AMMECR1: variants seen among roughly 807,000 people sequenced by gnomAD.
AMMECR1 encodes the protein nuclear protein AMMECR1.
A neutral mutation model predicts 22.5 loss-of-function variants in AMMECR1; 3 were observed. The observed-to-expected ratio is 0.13, with a 90% CI of 0.06 to 0.35. The LOEUF is 0.35. Among genes scored for constraint, AMMECR1 ranks in the 10% least tolerant of loss-of-function variants. The pLI is 1.00. For missense variants in AMMECR1, 235 were observed against 278.7 expected (o/e 0.84, Z 1.12); for synonymous variants, 130 against 116.7 (o/e 1.11, Z -0.74).
Position 110,198,540 on chromosome X carries a change from G to T in AMMECR1, c.982C>A (p.Pro328Thr). 1 of 1,191,532 alleles carries T rather than the reference G, an allele frequency of 8.4e-7. No individual in the cohort carries two copies. Among genetic ancestry groups the T allele is most frequent in the Non-Finnish European group, 1.1e-6 (1 of 883,793 alleles). The change falls in exon 6 of 6, where the codon CCA becomes ACA. Residue 328 changes from proline to threonine, a missense_variant. By Grantham distance (38) the Pro-to-Thr change is conservative (BLOSUM62 -1). Transcript: ENST00000262844. ...CAGTGTCAGGAATAATGGTTGTATG[G>T]CGGAAGGGGATGCCCAATGCCATTT... is the stretch of plus-strand genomic sequence containing the variant. Reference protein sequence around the residue: ...FQNGIGHPLPPYNHYS With the variant: ...FQNGIGHPLPTYNHYS
chrX:110,329,119 A>G (rs143975989), intron 2 of AMMECR1, among the ~76,000 whole-genome samples: 4,532 of 112,147 alleles, frequency 0.04, 235 homozygotes, highest in African/African-American at 0.14. Context: ...CATCCTCTCC[A>G]GCATCTGTTG....
At chrX:110,308,926 T>C (rs1466608241) in intron 1 of AMMECR1, among the ~76,000 whole-genome samples, 1 of 111,783 alleles carries the variant, frequency 8.9e-6, no homozygotes, top group Non-Finnish European at 1.9e-5. Context: ...CATCTTCTAC[T>C]TACCATATAA....
intron 2 of AMMECR1, among the ~76,000 whole-genome samples, chrX:110,219,955 A>G (rs2067492394): frequency 8.9e-6 from 1 of 112,137 alleles, no homozygotes; most frequent in African/African-American, 3.2e-5. Context: ...GATTTAAGAG[A>G]TTACAAAAAG....
chrX:110,339,992 A>G (rs1189227098), intron 2 of AMMECR1, among the ~76,000 whole-genome samples: 1 of 108,046 alleles, frequency 9.3e-6, no homozygotes, highest in Non-Finnish European at 1.9e-5. Context: ...ACACACACAC[A>G]CACACACACA....
intron 2 of AMMECR1, among the ~76,000 whole-genome samples, chrX:110,356,563 A>G (rs1405505460): frequency 2.7e-5 from 3 of 111,327 alleles, no homozygotes; most frequent in African/African-American, 9.8e-5. Flanking sequence ...TAATGTTCTT[A>G]CCACAAAATA....
intron 2 of AMMECR1, among the ~76,000 whole-genome samples, chrX:110,342,008 G>T (rs1047380165): frequency 9.0e-6 from 1 of 110,801 alleles, no homozygotes; most frequent in African/African-American, 3.3e-5. Context: ...GCAGTGAGCT[G>T]AGATCGTGCC....
chrX:110,343,447 C>T (rs1336587103), intron 2 of AMMECR1, among the ~76,000 whole-genome samples: 1 of 111,267 alleles, frequency 9.0e-6, no homozygotes, highest in Non-Finnish European at 1.9e-5. Flanking sequence ...CAGGGATGCC[C>T]TCTCTCACCA....
At chrX:110,286,633 C>T (rs1337185563) in intron 1 of AMMECR1, among the ~76,000 whole-genome samples, 1 of 105,215 alleles carries the variant, frequency 9.5e-6, no homozygotes, top group Admixed American at 1.0e-4. Context: ...GATTGTGCCA[C>T]TGCCCTCCAG....
chrX:110,229,245 CTT>C lies in AMMECR1; in HGVS notation c.585-12615_585-12614del, dbSNP rs200068972. On this transcript the variant is annotated intron_variant, in intron 2 of 5. Coordinates refer to ENST00000262844, the MANE Select transcript of AMMECR1 (RefSeq NM_015365.3). ...AAAAGGACATTTTAACTCTTCATCT[CTT>C]GTCTGGTCATATCTTAAGAACCTAG... Among the ~76,000 whole-genome samples the C allele has an allele frequency of 7.7e-3, 869 of 112,408 alleles. 6 individuals are homozygous for C. Among genetic ancestry groups the C allele is most frequent in the African/African-American group, 0.025 (775 of 30,944 alleles).
chrX:110,389,112 T>C (rs1262191276), intron 2 of AMMECR1, among the ~76,000 whole-genome samples: 1 of 112,583 alleles, frequency 8.9e-6, no homozygotes, highest in Non-Finnish European at 1.9e-5. Flanking sequence ...GTTGGAACAT[T>C]TTGAATTAAA....
intron 2 of AMMECR1, among the ~76,000 whole-genome samples, chrX:110,356,866 A>G (rs1246889236): frequency 1.8e-5 from 2 of 111,740 alleles, no homozygotes; most frequent in African/African-American, 6.5e-5. Flanking sequence ...GCAAGAGAGC[A>G]GAAGGAAAAT....
At chrX:110,389,588 T>C (rs1239095892) in intron 2 of AMMECR1, among the ~76,000 whole-genome samples, 1 of 112,207 alleles carries the variant, frequency 8.9e-6, no homozygotes, top group African/African-American at 3.2e-5. Context: ...TAATTTACCA[T>C]ACCCTTAAGG....
chrX:110,326,244 G>A (rs181125502), intron 2 of AMMECR1, among the ~76,000 whole-genome samples: 20 of 111,681 alleles, frequency 1.8e-4, no homozygotes, highest in South Asian at 3.8e-4. Flanking sequence ...CACCCACCTC[G>A]GTCTCCTAAA....
At chrX:110,280,492 T>C (rs898793484) in intron 1 of AMMECR1, among the ~76,000 whole-genome samples, 2 of 111,432 alleles carry the variant, frequency 1.8e-5, no homozygotes, top group Non-Finnish European at 3.8e-5. Flanking sequence ...AAAAATTAGG[T>C]CATAATAATA....
chrX:110,386,482 T>C (rs1288558495), intron 2 of AMMECR1, among the ~76,000 whole-genome samples: 1 of 111,405 alleles, frequency 9.0e-6, no homozygotes, highest in African/African-American at 3.3e-5. Context: ...CATTCTTATG[T>C]CTACTTTGGA....
chrX:110,379,029 T>A (rs1299989549), intron 2 of AMMECR1, among the ~76,000 whole-genome samples: 4 of 112,059 alleles, frequency 3.6e-5, no homozygotes, highest in African/African-American at 1.3e-4. Flanking sequence ...ACTCTGGCCC[T>A]CTGGTCCCAC....
intron 1 of AMMECR1, among the ~76,000 whole-genome samples, chrX:110,297,477 T>A (rs1341256786): frequency 1.8e-5 from 2 of 111,615 alleles, no homozygotes; most frequent in Non-Finnish European, 1.9e-5. Context: ...AGCTACAGGT[T>A]TTCACAGCTA....
At chrX:110,256,562 A>G (rs1207331474) in intron 2 of AMMECR1, among the ~76,000 whole-genome samples, 1 of 111,881 alleles carries the variant, frequency 8.9e-6, no homozygotes, top group Non-Finnish European at 1.9e-5. Context: ...TTAAAAATTG[A>G]GAGAGAATGT....
chrX:110,296,221 A>G (rs1313671645), intron 1 of AMMECR1, among the ~76,000 whole-genome samples: 1 of 112,061 alleles, frequency 8.9e-6, no homozygotes, highest in Non-Finnish European at 1.9e-5. Flanking sequence ...AACATTTTGA[A>G]TATGTCATCC....
Sources: allele counts gnomAD v4.1 joint callset (sites outside exome capture counted in the v4.1 genomes callset), GRCh38; gene constraint gnomAD v4.1.1; transcripts MANE v1.5; gene names NCBI Gene and HGNC (gene_info 2026-07-23, HGNC 2026-07-21).